VWCE: variants seen among roughly 807,000 people sequenced by gnomAD.
VWCE encodes von Willebrand factor C and EGF domain-containing protein.
In VWCE, 68 loss-of-function variants were observed where a neutral mutation model predicts 102.9. The ratio of observed to expected loss-of-function variants is 0.66; its 90% CI spans 0.54 to 0.81. VWCE has a LOEUF of 0.81. Ranked by LOEUF, VWCE falls within the 30% of genes least tolerant of loss-of-function variation. The pLI is 0.00. For missense variants in VWCE, 1,137 were observed against 1,263.6 expected, an observed-to-expected ratio of 0.90 and a Z score of 1.52; for synonymous variants, 497 against 515.4, an observed-to-expected ratio of 0.96 and a Z score of 0.48.
At chr11:61,268,690 G>T (rs1854582841) in intron 15 of VWCE, among the ~76,000 whole-genome samples, 1 of 152,236 alleles carries the variant, frequency 6.6e-6, no homozygotes, top group African/African-American at 2.4e-5. Flanking sequence ...CACAGGTGCA[G>T]CTCCTGTACC....
chr11:61,276,739 C>A, intron 10 of VWCE, 59 bp from the exon 11 acceptor site: 4 of 1,373,606 alleles, frequency 2.9e-6, no homozygotes, highest in East Asian at 5.2e-5. Context: ...GTTCATTCCC[C>A]ATCTCACAGC....
intron 13 of VWCE, among the ~76,000 whole-genome samples, chr11:61,272,017 G>A (rs1057075659): frequency 1.3e-5 from 2 of 151,874 alleles, no homozygotes; most frequent in African/African-American, 2.4e-5. Flanking sequence ...TACACATACC[G>A]ATACAAATGT....
chr11:61,258,667 T>C lies in VWCE; in HGVS notation c.*8A>G, dbSNP rs1304147922. 1 of 1,370,570 alleles carries C rather than the reference T, an allele frequency of 7.3e-7. No individual in the cohort carries two copies. Among genetic ancestry groups the C allele is most frequent in the Admixed American group, 2.8e-5 (1 of 36,292 alleles). The allele number at this position is 1,370,570 out of a possible 1,614,324, so 84.9% of individuals were successfully genotyped here. ...TCTCTCCAGAGTCTCCCGGACACAG[T>C]GACCTCCTTACATGGTGGACTCTTC... On this transcript the variant is annotated 3_prime_UTR_variant, in exon 20 of 20. Transcript: ENST00000335613.
At chr11:61,292,464 C>A (rs952415198) in intron 1 of VWCE, among the ~76,000 whole-genome samples, 1 of 152,142 alleles carries the variant, frequency 6.6e-6, no homozygotes, top group East Asian at 1.9e-4. Flanking sequence ...TACCCCAGCA[C>A]GTACAGGAGT....
At chr11:61,265,716 G>A (rs968648784) in intron 16 of VWCE, among the ~76,000 whole-genome samples, 4 of 152,232 alleles carry the variant, frequency 2.6e-5, no homozygotes, top group Non-Finnish European at 4.4e-5. Context: ...GCAAAGCAGC[G>A]TCATCCCGCA....
intron 6 of VWCE, chr11:61,282,586 C>T (rs760044239): frequency 7.6e-5 from 42 of 555,972 alleles, no homozygotes; most frequent in Non-Finnish European, 1.2e-4. Context: ...TGGCAAATGG[C>T]CAGGAAAAGT....
At chr11:61,287,156 C>A (rs1041622014) in intron 4 of VWCE, among the ~76,000 whole-genome samples, 1 of 152,160 alleles carries the variant, frequency 6.6e-6, no homozygotes, top group African/African-American at 2.4e-5. Flanking sequence ...TCTGACATGA[C>A]TGTGACTCAG....
In VWCE at chr11:61,259,175, A is replaced by G; in HGVS notation, c.2368T>C (p.Ser790Pro). 6.2e-7 allele frequency: 1 copy of G among 1,614,150 alleles called. No individual in the cohort carries two copies. The highest frequency in any genetic ancestry group is 8.5e-7 in the Non-Finnish European group (1 of 1,180,010). ...AGATGAAGCACCGGCCTCGAGGGTG[A>G]TGCTGTCGGGGGCCCAGGACAGGAG... The part of the protein sequence containing the change: ...CSSCPGPPTA[S>P]PSRPVLHLLQ... Residue 790 changes from serine to proline, a missense_variant, in exon 20 of 20, where the codon TCA becomes CCA. By Grantham distance (74) the Ser-to-Pro change is moderately conservative (BLOSUM62 -1). Transcript: ENST00000335613.
At chr11:61,292,344 C>T (rs1565232909) in intron 1 of VWCE, among the ~76,000 whole-genome samples, 1 of 152,328 alleles carries the variant, frequency 6.6e-6, no homozygotes, top group East Asian at 1.9e-4. Context: ...CTTGTCCACC[C>T]TTACCTTGCT....
chr11:61,267,550 A>G lies in VWCE; in HGVS notation c.1883-6T>C, dbSNP rs1854551032. On this transcript the variant is annotated splice_polypyrimidine_tract_variant and splice_region_variant and intron_variant, in intron 15 of 19. Coordinates refer to ENST00000335613, the MANE Select transcript of VWCE (RefSeq NM_152718.2). ...TCTGCCTGTGTAGGTGCAGCCTGCC[A>G]GAGAGAGCATGCGCTGAGCACCAGC... is the stretch of plus-strand genomic sequence containing the variant. 6.2e-7 allele frequency: 1 copy of G among 1,614,058 alleles called. No homozygotes were observed. Among genetic ancestry groups the G allele is most frequent in the East Asian group, 2.2e-5 (1 of 44,868 alleles).
rs1855608616 is a variant in VWCE at position 61,294,378 on chromosome 11, G to A, written c.110+550C>T. 6.6e-6 allele frequency among the ~76,000 whole-genome samples: 1 copy of A among 152,218 alleles called. No homozygotes were observed. Among genetic ancestry groups the A allele is most frequent in the South Asian group, 2.1e-4 (1 of 4,834 alleles). ...CCCACCGCGGCCCGGGGGAAAGCACGTGCGGAGGGCGGCATCCATCGCGAA... is the reference window on the plus strand; with the variant it reads ...CCCACCGCGGCCCGGGGGAAAGCACATGCGGAGGGCGGCATCCATCGCGAA... On this transcript the variant is annotated intron_variant, in intron 1 of 19. Transcript: ENST00000335613. This position sits in a 1 kb window ranked among gnomAD's most constrained non-coding sequence, Gnocchi z 6.3.
At chr11:61,261,091 G>C (rs1854343686) in intron 19 of VWCE, among the ~76,000 whole-genome samples, 1 of 152,064 alleles carries the variant, frequency 6.6e-6, no homozygotes. Context: ...AAGGTATGGT[G>C]GTGCCTGTAG....
At chr11:61,278,728 G>C (rs1035423308) in intron 9 of VWCE, among the ~76,000 whole-genome samples, 2 of 152,146 alleles carry the variant, frequency 1.3e-5, no homozygotes, top group Non-Finnish European at 2.9e-5. Context: ...TTCCCAGAGG[G>C]CAGGAAAGGC....
At chr11:61,286,836 G>A (rs1220219342) in intron 4 of VWCE, among the ~76,000 whole-genome samples, 2 of 151,126 alleles carry the variant, frequency 1.3e-5, no homozygotes, top group Admixed American at 6.6e-5. Context: ...GGTGGCTCAC[G>A]CCTGTAATCC....
chr11:61,265,206 A>G lies in VWCE; in HGVS notation c.1972T>C (p.Ser658Pro). 1.3e-6 allele frequency: 2 copies of G among 1,483,326 alleles called. No homozygotes were observed. Among genetic ancestry groups the G allele is most frequent in the Non-Finnish European group, 1.8e-6 (2 of 1,114,658 alleles). The allele number at this position is 1,483,326 out of a possible 1,614,324, so 91.9% of individuals were successfully genotyped here. Reference sequence around the variant, plus strand: ...CAGTCCACGGGGGAACAGGCCACTGAGCCCAGCTGCAGGACACAGAAAACA... The same window carrying G: ...CAGTCCACGGGGGAACAGGCCACTGGGCCCAGCTGCAGGACACAGAAAACA... ...PCLSCICLLG[S>P]VACSPVDCPI... Residue 658 changes from serine to proline, a missense_variant, in exon 17 of 20, where the codon TCA (serine) becomes CCA (proline). Coordinates refer to ENST00000335613, the MANE Select transcript of VWCE (RefSeq NM_152718.2).
At position 61,286,334 on chromosome 11, in the gene VWCE, G is replaced by T; in HGVS notation, c.521C>A (p.Ala174Asp). 1 of 1,609,592 alleles carries T rather than the reference G, an allele frequency of 6.2e-7. No homozygotes were observed. ...CECGPGMQLS[A>D]DRHSCQDTDE... ...CTCACCTTGGCAGCTGTGGCGGTCG[G>T]CAGACAGCTGCATGCCCGGCCCACA... is the stretch of plus-strand genomic sequence containing the variant. The change falls in exon 5 of 20, where the codon GCC becomes GAC. Residue 174 changes from alanine to aspartate, a missense_variant. Ala to Asp is a moderately radical substitution (Grantham distance 126). This residue lies in a region of VWCE where 575 missense variants were observed against 625.9 expected (regional missense o/e 0.92). Transcript: ENST00000335613.
At chr11:61,269,122 C>T in intron 14 of VWCE, 104 bp from the exon 15 acceptor site, 1 of 1,078,776 alleles carries the variant, frequency 9.3e-7, no homozygotes, top group Non-Finnish European at 1.4e-6. Context: ...CAAGGCTTGC[C>T]CTGAAAGGCA....
At chr11:61,286,227 C>T in intron 5 of VWCE, 87 bp downstream of exon 5, 1 of 1,283,118 alleles carries the variant, frequency 7.8e-7, no homozygotes, top group Admixed American at 1.7e-5. Flanking sequence ...ACACAGAGCA[C>T]ACTGCACTGG....
Position 61,276,664 on chromosome 11 carries a change from CA to C in VWCE, c.1423del (p.Cys475AlafsTer25). 1 of 1,605,048 alleles carries C rather than the reference CA, an allele frequency of 6.2e-7. No individual in the cohort carries two copies. On this transcript the variant is annotated frameshift_variant, in exon 11 of 20. Transcript: ENST00000335613. LOFTEE classifies it high-confidence loss of function. ...GCCAGAAGGACACTCAGGAGAGATGCAGGACACGTTTCCAGCCTGAGGAGGA... is the reference window on the plus strand; with the variant it reads ...GCCAGAAGGACACTCAGGAGAGATGCGGACACGTTTCCAGCCTGAGGAGGA... ...VCVCLAGNVS[C>X]ISPECPSGPC... is the part of the protein sequence containing the mutation.
Sources: allele counts gnomAD v4.1 joint callset (sites outside exome capture counted in the v4.1 genomes callset), GRCh38; gene constraint gnomAD v4.1.1; regional missense constraint gnomAD v4.1.1; non-coding constraint Gnocchi (gnomAD v3.1); transcripts MANE v1.5; gene names NCBI Gene and HGNC (gene_info 2026-07-23, HGNC 2026-07-21).